The following CYP2F1 variants were observed in gnomAD, a reference collection of about 807,000 sequenced individuals.
The protein encoded by CYP2F1 is cytochrome P450 2F1.
In CYP2F1, 33 loss-of-function variants were observed where a neutral mutation model predicts 40.4. The ratio of observed to expected loss-of-function variants is 0.82; its 90% CI spans 0.62 to 1.09. CYP2F1 has a LOEUF of 1.09. Among genes scored for constraint, CYP2F1 ranks in the 50% least tolerant of loss-of-function variants. CYP2F1 has a pLI of 0.00. For synonymous variants in CYP2F1, 235 were observed against 277.2 expected, an observed-to-expected ratio of 0.85 and a Z score of 1.51; for missense variants, 566 against 655.7, an observed-to-expected ratio of 0.86 and a Z score of 1.49.
At position 41,128,165 on chromosome 19, in the gene CYP2F1, G is replaced by A. The variant is rs1273543027; in HGVS notation, c.*83G>A. On this transcript the variant is annotated 3_prime_UTR_variant, in exon 10 of 10. Transcript: ENST00000331105. ...ACGTCCCCTTCTTGGTCCACAGTCT[G>A]CCCTCATCCCTCTGGCAGTCACGCT... 3.6e-6 allele frequency: 5 copies of A among 1,376,170 alleles called. No individual in the cohort carries two copies. Among genetic ancestry groups the A allele is most frequent in the Non-Finnish European group, 4.9e-6 (5 of 1,021,012 alleles). 85.2% of individuals were successfully genotyped at this position (1,376,170 alleles called of 1,614,324 possible).
intron 5 of CYP2F1, 71 bp from the exon 6 acceptor site, chr19:41,121,886 A>G: frequency 6.8e-7 from 1 of 1,463,110 alleles, no homozygotes; most frequent in Non-Finnish European, 9.4e-7. Context: ...TACCTAATCC[A>G]CACTGACCCC....
At chr19:41,117,856 T>G (rs1244914301) in intron 3 of CYP2F1, among the ~76,000 whole-genome samples, 1 of 151,894 alleles carries the variant, frequency 6.6e-6, no homozygotes, top group Non-Finnish European at 1.5e-5. Context: ...ATTTATTTAT[T>G]TATTTATTTT....
intron 4 of CYP2F1, among the ~76,000 whole-genome samples, chr19:41,121,090 G>T (rs997350399): frequency 2.6e-5 from 4 of 152,018 alleles, no homozygotes; most frequent in African/African-American, 9.7e-5. Flanking sequence ...GTCGTGTGTT[G>T]GCATGTACTG....
At chr19:41,119,782 CACAT>C (rs1198505167) in intron 3 of CYP2F1, among the ~76,000 whole-genome samples, 10 of 126,696 alleles carry the variant, frequency 7.9e-5, no homozygotes, top group African/African-American at 3.1e-4. Flanking sequence ...CACACACACA[CACAT>C]ATATATTAGG....
intron 3 of CYP2F1, 130 bp from the exon 4 acceptor site, chr19:41,120,217 G>T: frequency 1.2e-6 from 1 of 858,684 alleles, no homozygotes; most frequent in Non-Finnish European, 1.8e-6. Context: ...GTCCAGAAGG[G>T]CTTACTGGAA....
chr19:41,118,686 T>C (rs1239405372), intron 3 of CYP2F1, among the ~76,000 whole-genome samples: 2 of 152,138 alleles, frequency 1.3e-5, no homozygotes, highest in Non-Finnish European at 2.9e-5. Context: ...CATCTAGTTA[T>C]TCAATACACA....
chr19:41,115,961 T>C (rs1469626593), intron 1 of CYP2F1, among the ~76,000 whole-genome samples: 1 of 152,004 alleles, frequency 6.6e-6, no homozygotes, highest in African/African-American at 2.4e-5. Context: ...CCTCTCTCCA[T>C]TTATGTCTCT....
chr19:41,124,031 C>A (rs1405371881), intron 7 of CYP2F1, among the ~76,000 whole-genome samples: 1 of 151,936 alleles, frequency 6.6e-6, no homozygotes, highest in Non-Finnish European at 1.5e-5. Context: ...TGCCCCTGAT[C>A]TCCAGCCCTC....
At chr19:41,126,986 A>T (rs556970445) in intron 9 of CYP2F1, among the ~76,000 whole-genome samples, 10 of 152,268 alleles carry the variant, frequency 6.6e-5, no homozygotes, top group African/African-American at 1.9e-4. Context: ...TGGCATAATA[A>T]TAGGTAACTT....
intron 4 of CYP2F1, among the ~76,000 whole-genome samples, 198 bp from the exon 5 acceptor site, chr19:41,121,260 G>A (rs1008835367): frequency 6.6e-6 from 1 of 151,760 alleles, no homozygotes; most frequent in Non-Finnish European, 1.5e-5. Context: ...GAAGTTGTGG[G>A]TTCGGTGCCG....
chr19:41,127,507 T>C (rs1405698251), intron 9 of CYP2F1, among the ~76,000 whole-genome samples: 1 of 152,008 alleles, frequency 6.6e-6, no homozygotes, highest in Non-Finnish European at 1.5e-5. Flanking sequence ...ATTTTTAAAA[T>C]TTTTTTTGTA....
intron 9 of CYP2F1, among the ~76,000 whole-genome samples, chr19:41,127,258 A>G (rs1277340666): frequency 6.6e-6 from 1 of 152,220 alleles, no homozygotes; most frequent in Non-Finnish European, 1.5e-5. Flanking sequence ...TGCATGGCCC[A>G]TGGTAAGCTA....
intron 4 of CYP2F1, 71 bp from the exon 5 acceptor site, chr19:41,121,387 T>C: frequency 1.4e-6 from 2 of 1,432,880 alleles, no homozygotes; most frequent in Non-Finnish European, 1.9e-6. Flanking sequence ...TACAAATTAA[T>C]GGTGTTGCTG....
At chr19:41,116,134 G>GCTCTC in intron 1 of CYP2F1, 44 bp from the exon 2 acceptor site, 2 of 1,421,238 alleles carry the variant, frequency 1.4e-6, no homozygotes, top group Non-Finnish European at 1.9e-6. Context: ...GGAAAGGAGG[G>GCTCTC]ATCAGCGATG....
intron 6 of CYP2F1, among the ~76,000 whole-genome samples, chr19:41,122,574 TAC>T (rs1433521331): frequency 5.9e-5 from 9 of 151,712 alleles, no homozygotes. Context: ...CATACATACA[TAC>T]ACACATACAT....
rs202044867 is a variant in CYP2F1, at chr19:41,128,104, G to T, written c.*22G>T. Reference sequence around the variant, plus strand: ...CTAACGCCCCGGCCCTTCCAGATTCGCCTGTGAGCGATGAGGCCCGCCCAT... The same window carrying T: ...CTAACGCCCCGGCCCTTCCAGATTCTCCTGTGAGCGATGAGGCCCGCCCAT... On this transcript the variant is annotated 3_prime_UTR_variant, in exon 10 of 10. Transcript: ENST00000331105. 6.5e-4 allele frequency: 1,032 copies of T among 1,589,532 alleles called. 7 individuals are homozygous for T. Among genetic ancestry groups the T allele is most frequent in the Non-Finnish European group, 8.1e-4 (948 of 1,167,734 alleles).
rs773947453 is a variant in CYP2F1, at chr19:41,121,419, C to T, written c.485-39C>T. 10 of 1,587,620 alleles carry T rather than the reference C, an allele frequency of 6.3e-6. 1 individual carries two copies. The highest frequency in any genetic ancestry group is 1.7e-4 in the Middle Eastern group (1 of 5,934). ...GCTGCATGAGGTCTGGTGTGCTGCA[C>T]ATCGCGTCTTCCTGATCCATTGCAC... On this transcript the variant is annotated intron_variant, in intron 4 of 9. Coordinates refer to ENST00000331105, the MANE Select transcript of CYP2F1 (RefSeq NM_000774.5).
At chr19:41,114,971 TGTTG>T (rs773679858) in intron 1 of CYP2F1, among the ~76,000 whole-genome samples, 122 of 152,020 alleles carry the variant, frequency 8.0e-4, no homozygotes, top group Non-Finnish European at 1.5e-3. Context: ...GGTTTCACCA[TGTTG>T]GCCAGGCTGG....
chr19:41,124,695 C>T (rs769971807), intron 7 of CYP2F1, 24 bp from the exon 8 acceptor site: 1 of 1,593,350 alleles, frequency 6.3e-7, no homozygotes, highest in Non-Finnish European at 8.5e-7. Context: ...ATACCCTCGA[C>T]CCCGCTTCCC....
Sources: allele counts gnomAD v4.1 joint callset (sites outside exome capture counted in the v4.1 genomes callset), GRCh38; gene constraint gnomAD v4.1.1; transcripts MANE v1.5; gene names NCBI Gene and HGNC (gene_info 2026-07-23, HGNC 2026-07-21).